The following IK variants were observed in gnomAD, a reference collection of about 807,000 sequenced individuals.
IK encodes IK cytokine, also known as protein Red.
In IK, 47 loss-of-function variants were observed where a neutral mutation model predicts 90.9. The ratio of observed to expected loss-of-function variants is 0.52; its 90% CI spans 0.41 to 0.66. The LOEUF (loss-of-function observed/expected upper bound fraction) is 0.66. Among genes scored for constraint, IK ranks in the 30% least tolerant of loss-of-function variants. The pLI is 0.00. For synonymous variants in IK, 201 were observed against 227.5 expected, an observed-to-expected ratio of 0.88 and a Z score of 1.05; for missense variants, 385 against 709.3, an observed-to-expected ratio of 0.54 and a Z score of 5.19.
intron 7 of IK, 36 bp from the exon 8 acceptor site, chr5:140,654,645 A>G (rs754208095): frequency 1.9e-6 from 3 of 1,583,886 alleles, no homozygotes; most frequent in Non-Finnish European, 2.6e-6. Flanking sequence ...AAGTTAGAGC[A>G]CATTTAGCAA....
In IK at chr5:140,659,742, C is replaced by T. The variant is rs1489357313; in HGVS notation, c.1196-14C>T. The T allele has an allele frequency of 6.4e-7, 1 of 1,567,152 alleles. No homozygotes were observed. Among genetic ancestry groups the T allele is most frequent in the Non-Finnish European group, 8.7e-7 (1 of 1,149,912 alleles). ...CTCAGTTCAAGGTCTGGGCTGAGTT[C>T]TCTTTTCTCCTAGGACCTGGGTCTA... On this transcript the variant is annotated splice_polypyrimidine_tract_variant and intron_variant, in intron 13 of 19. Transcript: ENST00000417647.
Position 140,653,090 on chromosome 5 carries a change from C to A in IK, c.350C>A (p.Thr117Asn). ...RDGVNKDYEE[T>N]ELISTTANYR... ...GGAGTGAACAAAGATTATGAAGAAA[C>A]CGAGCTTATCAGCACCACAGCTAAC... is the stretch of plus-strand genomic sequence containing the variant. Residue 117 changes from threonine (T) to asparagine (N), a missense_variant, in exon 5 of 20, where the codon ACC (threonine) becomes AAC (asparagine). By Grantham distance (65) the Thr-to-Asn change is moderately conservative. This residue lies in a region of IK where 64 missense variants were observed against 144.6 expected (regional missense o/e 0.44). Transcript: ENST00000417647. 2 of 1,613,894 alleles carry A rather than the reference C, an allele frequency of 1.2e-6. No homozygotes were observed. The highest frequency in any genetic ancestry group is 8.5e-7 in the Non-Finnish European group (1 of 1,179,870).
At chr5:140,656,714 A>G (rs1343413281) in intron 9 of IK, among the ~76,000 whole-genome samples, 1 of 152,208 alleles carries the variant, frequency 6.6e-6, no homozygotes, top group Non-Finnish European at 1.5e-5. Flanking sequence ...TAATAATCAC[A>G]TCATGGAAAA....
intron 2 of IK, among the ~76,000 whole-genome samples, chr5:140,650,727 C>A (rs989770202): frequency 6.6e-6 from 1 of 152,132 alleles, no homozygotes; most frequent in South Asian, 2.1e-4. Flanking sequence ...CAGGCGCCCA[C>A]CACAACGCCC....
chr5:140,648,636 G>A, intron 2 of IK, 99 bp downstream of exon 2: 1 of 1,231,192 alleles, frequency 8.1e-7, no homozygotes. Context: ...CATCAAGGAT[G>A]GTAAAAAATT....
rs747265872 is a variant in IK at position 140,647,855 on chromosome 5, C to T, written c.-54C>T. ...CACTGTGGGAAAGAGCTTGTCGCTG[C>T]GGTGTTGCTGTTGGAGACTCGATTG... On this transcript the variant is annotated 5_prime_UTR_variant, in exon 1 of 20. Coordinates refer to ENST00000417647, the MANE Select transcript of IK (RefSeq NM_006083.4). 4.4e-6 allele frequency: 7 copies of T among 1,606,794 alleles called. No homozygotes were observed. In the African/African-American group the frequency reaches 5.3e-5, roughly 12 times the overall value.
intron 6 of IK, 106 bp from the exon 7 acceptor site, chr5:140,654,410 C>T: frequency 1.1e-6 from 1 of 879,698 alleles, no homozygotes; most frequent in South Asian, 1.6e-5. Flanking sequence ...AGAACAATAT[C>T]TGTCATGTTT....
intron 10 of IK, 32 bp from the exon 11 acceptor site, chr5:140,658,705 G>A: frequency 6.4e-7 from 1 of 1,562,872 alleles, no homozygotes; most frequent in East Asian, 2.3e-5. Flanking sequence ...TAACTGAGGA[G>A]TATGTTCCTG....
In IK at chr5:140,657,654, A is replaced by G. The variant is rs751377977; in HGVS notation, c.902A>G (p.Lys301Arg). The change falls in exon 10 of 20, where the codon AAG becomes AGG. Residue 301 changes from lysine (K) to arginine (R), a missense_variant. Transcript: ENST00000417647. ...QGTRNKKLKKKDKGKLEEKKP... is the reference protein window; with the variant it reads ...QGTRNKKLKKRDKGKLEEKKP... ...ACCCGTAACAAGAAGCTTAAGAAGA[A>G]GGATAAAGGTACCTGGAGGGTTAGA... 2 of 1,606,278 alleles carry G rather than the reference A, an allele frequency of 1.2e-6. No homozygotes were observed. The highest frequency in any genetic ancestry group is 2.2e-5 in the South Asian group (2 of 90,762).
In IK at chr5:140,655,823, T is replaced by C. The variant is rs777370434; in HGVS notation, c.638-6T>C. 1 of 1,609,618 alleles carries C rather than the reference T, an allele frequency of 6.2e-7. No homozygotes were observed. The highest frequency in any genetic ancestry group is 8.5e-7 in the Non-Finnish European group (1 of 1,177,882). ...TGGCTACTTGCTGCTCTTCTCCTTA[T>C]TGTAGGCCGCAATGTTTACCGAATG... On this transcript the variant is annotated splice_region_variant and splice_polypyrimidine_tract_variant and intron_variant, in intron 8 of 19. Coordinates refer to ENST00000417647, the MANE Select transcript of IK (RefSeq NM_006083.4).
intron 1 of IK, 118 bp downstream of exon 1, chr5:140,648,042 G>GTGTGTGTGTA (rs879137324): frequency 1.1e-4 from 53 of 471,360 alleles, no homozygotes; most frequent in East Asian, 6.4e-4. Context: ...GTGTGTGTGT[G>GTGTGTGTGTA]TGTATGTATG....
chr5:140,660,546 C>T (rs1298445015), intron 15 of IK: 8 of 552,414 alleles, frequency 1.4e-5, no homozygotes, highest in South Asian at 2.6e-5. Context: ...AATCTGCCCT[C>T]CTCAGCCTCC....
rs780280906 is a variant in IK at position 140,652,161 on chromosome 5, G to C, written c.236+14G>C. On this transcript the variant is annotated intron_variant, in intron 4 of 19. Transcript: ENST00000417647. ...GAAAAAGAAAAGGTGAAGGAAGGGTGAAGGGTTTTAGATTTTAAGGTGGAT... is the reference window on the plus strand; with the variant it reads ...GAAAAAGAAAAGGTGAAGGAAGGGTCAAGGGTTTTAGATTTTAAGGTGGAT... 1.2e-6 allele frequency: 2 copies of C among 1,606,768 alleles called. No individual in the cohort carries two copies. Among genetic ancestry groups the C allele is most frequent in the African/African-American group, 1.3e-5 (1 of 74,738 alleles).
intron 15 of IK, 97 bp downstream of exon 15, chr5:140,660,292 CTTT>C (rs200714869): frequency 0.034 from 9,366 of 279,204 alleles, 11 homozygotes; most frequent in East Asian, 0.041. Context: ...AGGGCTACTT[CTTT>C]TTTTTTTTTT....
At chr5:140,656,374 G>A (rs1315461823) in intron 9 of IK, among the ~76,000 whole-genome samples, 1 of 152,080 alleles carries the variant, frequency 6.6e-6, no homozygotes, top group Non-Finnish European at 1.5e-5. Flanking sequence ...TTTATTTTTA[G>A]TAGAGATTGG....
intron 9 of IK, 42 bp downstream of exon 9, chr5:140,656,034 A>C (rs374550594): frequency 5.2e-6 from 8 of 1,544,366 alleles, no homozygotes; most frequent in Non-Finnish European, 7.0e-6. Context: ...GTGAGCCTCA[A>C]GCCTGGGAAT....
chr5:140,659,179 C>T lies in IK; in HGVS notation c.1176+15C>T. ...TAGATGATGAGGTGAGATGTGGGCC[C>T]TTAGTACCAGGTGATGGAGTTGCCC... On this transcript the variant is annotated intron_variant, in intron 12 of 19. Coordinates refer to ENST00000417647, the MANE Select transcript of IK (RefSeq NM_006083.4). 3 of 1,590,692 alleles carry T rather than the reference C, an allele frequency of 1.9e-6. No homozygotes were observed. Among genetic ancestry groups the T allele is most frequent in the Non-Finnish European group, 2.6e-6 (3 of 1,167,666 alleles).
Position 140,661,378 on chromosome 5 carries a change from G to A in IK, c.1414-242G>A. 1 of 456,046 alleles carries A rather than the reference G, an allele frequency of 2.2e-6. No homozygotes were observed. The highest frequency in any genetic ancestry group is 3.9e-6 in the Non-Finnish European group (1 of 255,324). 28.2% of individuals were successfully genotyped at this position (456,046 alleles called of 1,614,324 possible). A position where few individuals can be genotyped will look rare whatever the true frequency, so the allele number is the denominator to read the frequency against. On this transcript the variant is annotated intron_variant, in intron 16 of 19. Coordinates refer to ENST00000417647, the MANE Select transcript of IK (RefSeq NM_006083.4). The surrounding 1 kb of genome is among the most constrained non-coding windows in gnomAD (Gnocchi z 4.2). ...CCTCAGTTTCCTCATCAGGAAAATG[G>A]AGAGAAATATAGTTCCCTCTTCATA... is the stretch of plus-strand genomic sequence containing the variant.
rs750704406 is a variant in IK, at chr5:140,658,983, C to T, written c.995C>T (p.Thr332Ile). 5 of 1,613,808 alleles carry T rather than the reference C, an allele frequency of 3.1e-6. No homozygotes were observed. In the African/African-American group the frequency reaches 6.7e-5, roughly 22 times the overall value. Residue 332 changes from threonine (T) to isoleucine (I), a missense_variant, in exon 12 of 20, where the codon ACA (threonine) becomes ATA (isoleucine). Physicochemically the swap from Thr to Ile is moderately conservative, Grantham distance 89. Around this residue, in one of 8 missense-constraint regions of IK, gnomAD observed 139 missense variants for 172.0 expected, o/e 0.81. Transcript: ENST00000417647. ...IGDYVPSTTK[T>I]PRDKERERYR... ...GATTACGTACCCTCCACAACCAAGACACCTCGGGACAAGGAGCGGGAGAGA... is the reference window on the plus strand; with the variant it reads ...GATTACGTACCCTCCACAACCAAGATACCTCGGGACAAGGAGCGGGAGAGA...
Sources: allele counts gnomAD v4.1 joint callset (sites outside exome capture counted in the v4.1 genomes callset), GRCh38; gene constraint gnomAD v4.1.1; regional missense constraint gnomAD v4.1.1; non-coding constraint Gnocchi (gnomAD v3.1); transcripts MANE v1.5; gene names NCBI Gene and HGNC (gene_info 2026-07-23, HGNC 2026-07-21).